Variants in CHL1 observed in about 807,000 individuals in gnomAD.
CHL1 encodes the protein cell adhesion molecule L1 like.
In CHL1, 96 loss-of-function variants were observed where a neutral mutation model predicts 141.9. The observed-to-expected ratio is 0.68, with a 90% CI of 0.57 to 0.80. The LOEUF (loss-of-function observed/expected upper bound fraction) is 0.80. Ranked by LOEUF, CHL1 falls within the 30% of genes least tolerant of loss-of-function variation. The pLI is 0.00. For missense variants in CHL1, 1,820 were observed against 1,457.2 expected, an observed-to-expected ratio of 1.25 and a Z score of -4.05; for synonymous variants, 613 against 502.2, an observed-to-expected ratio of 1.22 and a Z score of -2.95.
At position 382,161 on chromosome 3, in the gene CHL1, C is replaced by T. The variant is rs780040978; in HGVS notation, c.1877-18C>T. On this transcript the variant is annotated intron_variant, in intron 16 of 27. Transcript: ENST00000256509. ...AACAAAGGCAATTATCTACATTTTC[C>T]CTTCCTTTATTAATTAGATGTTCCG... is the stretch of plus-strand genomic sequence containing the variant. 23 of 1,597,800 alleles carry T rather than the reference C, an allele frequency of 1.4e-5. No homozygotes were observed. Among genetic ancestry groups the T allele is most frequent in the Admixed American group, 6.7e-5 (4 of 59,420 alleles).
At chr3:305,895 G>A (rs1376528410) in intron 2 of CHL1, among the ~76,000 whole-genome samples, 1 of 151,928 alleles carries the variant, frequency 6.6e-6, no homozygotes, top group South Asian at 2.1e-4. Context: ...AATGGTACGT[G>A]ATGATAAAAA....
chr3:382,116 C>A, intron 16 of CHL1, 63 bp from the exon 17 acceptor site: 1 of 1,432,808 alleles, frequency 7.0e-7, no homozygotes, highest in Non-Finnish European at 9.7e-7. Flanking sequence ...GGCAATGTGT[C>A]TGAGGAAGGG....
chr3:351,048 C>T (rs1703212039), intron 10 of CHL1, among the ~76,000 whole-genome samples: 3 of 152,130 alleles, frequency 2.0e-5, no homozygotes, highest in Admixed American at 2.0e-4. Context: ...GTTAGATTCT[C>T]CTCCAAGTTG....
chr3:352,932 C>T (rs1703386739), intron 10 of CHL1, among the ~76,000 whole-genome samples: 1 of 152,132 alleles, frequency 6.6e-6, no homozygotes, highest in South Asian at 2.1e-4. Context: ...ACAAAAACCA[C>T]ATGACTTCAG....
intron 1 of CHL1, among the ~76,000 whole-genome samples, chr3:204,425 G>A (rs1296106069): frequency 6.6e-6 from 1 of 152,222 alleles, no homozygotes; most frequent in African/African-American, 2.4e-5. Flanking sequence ...TCAGAACAAG[G>A]ACGATGAAGG....
Position 287,422 on chromosome 3 carries a change from AC to A in CHL1, c.-94-32259del, listed in dbSNP as rs1455972587. 2.0e-5 allele frequency among the ~76,000 whole-genome samples: 3 copies of A among 152,044 alleles called. No individual in the cohort carries two copies. The East Asian group carries it at 5.8e-4, about 29-fold the overall frequency. ...GGTTTACACATTCGATTGTCTTTTC[AC>A]CTGCTCTTATATAAATTTGTGCTGA... is the stretch of plus-strand genomic sequence containing the variant. On this transcript the variant is annotated intron_variant, in intron 2 of 27. Coordinates refer to ENST00000256509, the MANE Select transcript of CHL1 (RefSeq NM_006614.4).
intron 23 of CHL1, among the ~76,000 whole-genome samples, chr3:393,206 C>G (rs1469011908): frequency 7.7e-6 from 1 of 129,806 alleles, no homozygotes; most frequent in Non-Finnish European, 1.6e-5. Flanking sequence ...GCACTCCAGC[C>G]TGGGCGACAG....
intron 2 of CHL1, among the ~76,000 whole-genome samples, chr3:269,070 A>G (rs1281593500): frequency 2.0e-5 from 3 of 152,204 alleles, no homozygotes; most frequent in East Asian, 3.9e-4. Flanking sequence ...GAAGCAAAAA[A>G]TTATGGTCAG....
chr3:272,783 C>G (rs1253377011), intron 2 of CHL1, among the ~76,000 whole-genome samples: 2 of 152,160 alleles, frequency 1.3e-5, no homozygotes, highest in African/African-American at 4.8e-5. Flanking sequence ...TGGATTCATC[C>G]TTTTATTCAT....
chr3:218,949 G>T (rs753366787), intron 1 of CHL1, among the ~76,000 whole-genome samples: 1 of 151,962 alleles, frequency 6.6e-6, no homozygotes, highest in Non-Finnish European at 1.5e-5. Context: ...GATCGAGACC[G>T]TCCTGGCTAA....
chr3:361,190 C>T (rs904937998), intron 12 of CHL1, among the ~76,000 whole-genome samples: 3 of 151,302 alleles, frequency 2.0e-5, no homozygotes, highest in East Asian at 3.9e-4. Flanking sequence ...GAAACTGGAT[C>T]CCTTCCTTAC....
intron 15 of CHL1, among the ~76,000 whole-genome samples, chr3:371,578 TTTAA>T (rs1184325391): frequency 1.3e-5 from 2 of 152,214 alleles, no homozygotes; most frequent in Non-Finnish European, 2.9e-5. Context: ...GTCTGTGACT[TTTAA>T]TTTGGCTACT....
rs185312619 is a variant in CHL1, at chr3:330,017, A to G, written c.385+1663A>G. Among the ~76,000 whole-genome samples the G allele has an allele frequency of 4.9e-3, 753 of 152,188 alleles. 3 individuals are homozygous for G. The highest frequency in any genetic ancestry group is 0.01 in the Middle Eastern group (3 of 292). ...ATCAGTGAGCATATAGAAGATTTAA[A>G]GAATACAATCACAAGCTCCATCTAA... On this transcript the variant is annotated intron_variant, in intron 5 of 27. Transcript: ENST00000256509.
rs1216941362 is a variant in CHL1 at position 382,169 on chromosome 3, T to C, written c.1877-10T>C. On this transcript the variant is annotated splice_polypyrimidine_tract_variant and intron_variant, in intron 16 of 27. Transcript: ENST00000256509. ...CAATTATCTACATTTTCCCTTCCTT[T>C]ATTAATTAGATGTTCCGGATCCACC... 2 of 1,607,728 alleles carry C rather than the reference T, an allele frequency of 1.2e-6. No individual in the cohort carries two copies. Among genetic ancestry groups the C allele is most frequent in the East Asian group, 4.5e-5 (2 of 44,824 alleles).
chr3:233,267 A>C (rs973923554), intron 1 of CHL1, among the ~76,000 whole-genome samples: 2 of 152,014 alleles, frequency 1.3e-5, no homozygotes, highest in African/African-American at 4.8e-5. Flanking sequence ...GCTTGCCCTT[A>C]TACACCTCAT....
intron 2 of CHL1, among the ~76,000 whole-genome samples, chr3:306,069 T>G (rs1238959116): frequency 6.6e-6 from 1 of 152,168 alleles, no homozygotes; most frequent in African/African-American, 2.4e-5. Context: ...TAACTGATAT[T>G]GCCTTCCTGT....
chr3:313,059 G>A (rs764590519), intron 2 of CHL1, among the ~76,000 whole-genome samples: 1 of 152,012 alleles, frequency 6.6e-6, no homozygotes, highest in Non-Finnish European at 1.5e-5. Flanking sequence ...GAATGTCAAC[G>A]TAGCATGCTT....
intron 2 of CHL1, among the ~76,000 whole-genome samples, chr3:278,810 A>C (rs1696383568): frequency 6.6e-6 from 1 of 152,232 alleles, no homozygotes; most frequent in African/African-American, 2.4e-5. Flanking sequence ...TGCACATCTC[A>C]CACAGGAAGC....
At chr3:327,678 T>C (rs1701121111) in intron 4 of CHL1, among the ~76,000 whole-genome samples, 1 of 151,918 alleles carries the variant, frequency 6.6e-6, no homozygotes, top group Non-Finnish European at 1.5e-5. Flanking sequence ...AGTATCATTA[T>C]AATAATGGAA....
Sources: allele counts gnomAD v4.1 joint callset (sites outside exome capture counted in the v4.1 genomes callset), GRCh38; gene constraint gnomAD v4.1.1; transcripts MANE v1.5; gene names NCBI Gene and HGNC (gene_info 2026-07-23, HGNC 2026-07-21).